The following SLC24A4 variants were observed in gnomAD, a reference collection of about 807,000 sequenced individuals.
SLC24A4 encodes the protein solute carrier family 24 member 4.
A neutral mutation model predicts 79.0 loss-of-function variants in SLC24A4; 53 were observed. That is an observed-to-expected ratio of 0.67 (90% confidence interval 0.54 to 0.84). The LOEUF is 0.84. Among genes scored for constraint, SLC24A4 ranks in the 40% least tolerant of loss-of-function variants. SLC24A4 has a pLI of 0.00. For synonymous variants in SLC24A4, 323 were observed against 323.8 expected, an observed-to-expected ratio of 1.00 and a Z score of 0.03; for missense variants, 731 against 822.0, an observed-to-expected ratio of 0.89 and a Z score of 1.35.
intron 13 of SLC24A4, chr14:92,484,271 T>G: frequency 1.0e-6 from 1 of 985,328 alleles, no homozygotes; most frequent in South Asian, 4.7e-5. Flanking sequence ...GCCGGCTCCC[T>G]CACCTCAGAT....
At chr14:92,470,395 C>T (rs147133586) in intron 12 of SLC24A4, among the ~76,000 whole-genome samples, 300 of 152,272 alleles carry the variant, frequency 2.0e-3, no homozygotes, top group Non-Finnish European at 3.2e-3. Context: ...TTAACCACTC[C>T]CTTAATTGGA....
chr14:92,374,916 C>T (rs993107311), intron 2 of SLC24A4, among the ~76,000 whole-genome samples: 4 of 152,120 alleles, frequency 2.6e-5, no homozygotes, highest in Non-Finnish European at 2.9e-5. Flanking sequence ...TTTGAGTCCT[C>T]TGGGTAACAA....
chr14:92,492,959 AACACACACACACACACAC>A (rs551206469), intron 16 of SLC24A4: 6,011 of 298,492 alleles, frequency 0.02, 25 homozygotes, highest in South Asian at 0.035. Context: ...CTCTACCCCA[AACACACACACACACACAC>A]ACACACACAC....
intron 12 of SLC24A4, among the ~76,000 whole-genome samples, chr14:92,479,815 A>G (rs1036744325): frequency 6.6e-6 from 1 of 152,234 alleles, no homozygotes; most frequent in Non-Finnish European, 1.5e-5. Flanking sequence ...GGTAGAAGTC[A>G]CCATGAAGCC....
intron 2 of SLC24A4, among the ~76,000 whole-genome samples, chr14:92,329,962 C>A (rs1418860694): frequency 6.6e-6 from 1 of 152,236 alleles, no homozygotes; most frequent in African/African-American, 2.4e-5. Context: ...TTATAGGAAT[C>A]TTTTGAAATG....
intron 2 of SLC24A4, among the ~76,000 whole-genome samples, chr14:92,432,575 G>A (rs1891934437): frequency 6.6e-6 from 1 of 152,150 alleles, no homozygotes; most frequent in Admixed American, 6.5e-5. Context: ...TCTCTGAGCT[G>A]ACAAACCTTG....
At chr14:92,375,009 C>T (rs1269050242) in intron 2 of SLC24A4, among the ~76,000 whole-genome samples, 5 of 152,172 alleles carry the variant, frequency 3.3e-5, no homozygotes, top group Admixed American at 2.0e-4. Flanking sequence ...TGGTTAGAAA[C>T]GAGGCTATGC....
intron 12 of SLC24A4, among the ~76,000 whole-genome samples, chr14:92,480,628 C>T (rs549911504): frequency 6.6e-6 from 1 of 152,296 alleles, no homozygotes; most frequent in South Asian, 2.1e-4. Flanking sequence ...TACGGCTATG[C>T]ATTCCTAAGT....
intron 2 of SLC24A4, among the ~76,000 whole-genome samples, chr14:92,420,645 CA>C (rs1891225025): frequency 1.3e-5 from 2 of 152,188 alleles, no homozygotes; most frequent in Admixed American, 1.3e-4. Flanking sequence ...CTCACAATGT[CA>C]AGGTGCGTCC....
intron 12 of SLC24A4, 115 bp from the exon 13 acceptor site, chr14:92,482,565 A>C (rs982898612): frequency 1.5e-5 from 15 of 1,001,964 alleles, no homozygotes; most frequent in Non-Finnish European, 2.2e-5. Flanking sequence ...CTAGAGTCAC[A>C]TCGGTGGCAT....
intron 2 of SLC24A4, among the ~76,000 whole-genome samples, chr14:92,433,384 T>C (rs1003434498): frequency 6.6e-6 from 1 of 152,246 alleles, no homozygotes; most frequent in African/African-American, 2.4e-5. Flanking sequence ...ATCTTGGCTG[T>C]TATGAGCAAT....
At chr14:92,424,479 T>C (rs946291370) in intron 2 of SLC24A4, among the ~76,000 whole-genome samples, 5 of 152,146 alleles carry the variant, frequency 3.3e-5, no homozygotes, top group South Asian at 2.1e-4. Context: ...TTCTCACTGA[T>C]GGCAGAAGGT....
intron 12 of SLC24A4, among the ~76,000 whole-genome samples, chr14:92,472,961 A>T (rs1894519153): frequency 6.6e-6 from 1 of 152,164 alleles, no homozygotes; most frequent in Non-Finnish European, 1.5e-5. Context: ...GCCCCATGAA[A>T]GCCACAATAA....
intron 2 of SLC24A4, among the ~76,000 whole-genome samples, chr14:92,349,551 CACAG>C (rs1412749779): frequency 2.0e-5 from 3 of 152,202 alleles, no homozygotes; most frequent in Non-Finnish European, 2.9e-5. Context: ...TCAGAAATAA[CACAG>C]ACAGATTTTA....
intron 2 of SLC24A4, among the ~76,000 whole-genome samples, chr14:92,431,076 A>C (rs1371477684): frequency 6.6e-6 from 1 of 152,232 alleles, no homozygotes; most frequent in African/African-American, 2.4e-5. Context: ...CATGTAGCCC[A>C]AATCATCTCT....
rs905251150 is a variant in SLC24A4 at position 92,498,238 on chromosome 14, A to G, written c.*4610A>G. On this transcript the variant is annotated 3_prime_UTR_variant, in exon 17 of 17. Coordinates refer to ENST00000532405, the MANE Select transcript of SLC24A4 (RefSeq NM_153646.4). ...GATCCTGTGAGCCCCTCAAGCATGA[A>G]GCCTCCCTTGGGGCTTCTCAAAGCA... The G allele has an allele frequency of 6.6e-6, 1 of 152,198 alleles. No individual in the cohort carries two copies. Among genetic ancestry groups the G allele is most frequent in the African/African-American group, 2.4e-5 (1 of 41,446 alleles). The allele number at this position is 152,198 out of a possible 1,614,324, so 9.4% of individuals were successfully genotyped here. A position where few individuals can be genotyped will look rare whatever the true frequency, so the allele number is the denominator to read the frequency against.
chr14:92,329,531 G>A (rs1885348932), intron 2 of SLC24A4, among the ~76,000 whole-genome samples: 1 of 151,988 alleles, frequency 6.6e-6, no homozygotes, highest in African/African-American at 2.4e-5. Context: ...TTTTTTGTTT[G>A]TTTGTTTTTG....
rs1343395945 is a variant in SLC24A4, at chr14:92,488,800, C to G, written c.1537+2020C>G. Among the ~76,000 whole-genome samples the G allele has an allele frequency of 3.9e-5, 6 of 152,322 alleles. No individual in the cohort carries two copies. The East Asian group carries it at 1.2e-3, about 29-fold the overall frequency. ...GCCAGCGGTGCACAGATGACAAGTTCATCCCTAGCCAGAGTCAGCTGGGTG... is the reference window on the plus strand; with the variant it reads ...GCCAGCGGTGCACAGATGACAAGTTGATCCCTAGCCAGAGTCAGCTGGGTG... On this transcript the variant is annotated intron_variant, in intron 14 of 16. Transcript: ENST00000532405.
intron 12 of SLC24A4, among the ~76,000 whole-genome samples, chr14:92,479,451 C>T (rs1894943327): frequency 6.6e-6 from 1 of 152,160 alleles, no homozygotes; most frequent in Admixed American, 6.5e-5. Context: ...TTTTCCGTGG[C>T]AGTTTAGAGG....
Sources: gnomAD v4.1 joint callset for allele counts (sites outside exome capture counted in the v4.1 genomes callset) on GRCh38, gnomAD v4.1.1 for gene constraint, MANE v1.5 for transcripts, NCBI Gene and HGNC (gene_info 2026-07-23, HGNC 2026-07-21) for gene names.